SYNE1: variants seen among roughly 807,000 people sequenced by gnomAD.
The protein encoded by SYNE1 is nesprin-1.
Under a neutral mutation model 1,111.0 loss-of-function variants are expected in SYNE1, and 616 were observed. That is an observed-to-expected ratio of 0.55 (90% confidence interval 0.52 to 0.59). SYNE1 has a LOEUF of 0.59. SYNE1 is among the 20% of genes least tolerant of loss of function. The pLI is 0.00. For missense variants in SYNE1, 10,006 were observed against 10,417.0 expected (o/e 0.96, Z 1.72); for synonymous variants, 3,855 against 3,825.8 (o/e 1.01, Z -0.28).
chr6:152,576,861 T>C (rs1433804373), intron 3 of SYNE1, among the ~76,000 whole-genome samples: 1 of 152,098 alleles, frequency 6.6e-6, no homozygotes, highest in Non-Finnish European at 1.5e-5. Flanking sequence ...AAACAGGAAA[T>C]GGAGACACAA....
Position 152,465,275 on chromosome 6 carries a change from A to G in SYNE1, c.1915T>C (p.Ser639Pro). Residue 639 changes from serine to proline, a missense_variant, in exon 18 of 146, where the codon TCA becomes CCA. Physicochemically the swap from Ser to Pro is moderately conservative, Grantham distance 74. This residue lies in a region of SYNE1 where 1,971 missense variants were observed against 2,084.1 expected (regional missense o/e 0.95). Coordinates refer to ENST00000367255, the MANE Select transcript of SYNE1 (RefSeq NM_182961.4). ...AATCTTACCTTTTTGGCATTTTCTG[A>G]TTGATTGAGCATTTTTTCAGCATCC... ...LEDAEKMLNQ[S>P]ENAKKDFFRN... The G allele has an allele frequency of 1.9e-6, 3 of 1,613,534 alleles. No homozygotes were observed. The highest frequency in any genetic ancestry group is 2.5e-6 in the Non-Finnish European group (3 of 1,179,696).
intron 95 of SYNE1, among the ~76,000 whole-genome samples, chr6:152,284,814 TC>T (rs2094238677): frequency 6.6e-6 from 1 of 151,940 alleles, no homozygotes; most frequent in African/African-American, 2.4e-5. Flanking sequence ...AACATGATTT[TC>T]CCACATTAAC....
At position 152,441,242 on chromosome 6, in the gene SYNE1, T is replaced by C. The variant is rs1465266469; in HGVS notation, c.4037A>G (p.Glu1346Gly). ...TCTTACTACTGTTTCTTTGTTTGTT[T>C]CAAATCGCTCCCATTTTCTTAATGT... ...QVTLRKWERF[E>G]TNKETVVRYL... Residue 1346 changes from glutamate (E) to glycine (G), a missense_variant, in exon 32 of 146, where the codon GAA becomes GGA. Glu to Gly is a moderately conservative substitution (Grantham distance 98). Coordinates refer to ENST00000367255, the MANE Select transcript of SYNE1 (RefSeq NM_182961.4). The C allele has an allele frequency of 1.2e-6, 2 of 1,610,272 alleles. No homozygotes were observed. The highest frequency in any genetic ancestry group is 1.7e-6 in the Non-Finnish European group (2 of 1,177,624).
At chr6:152,484,038 C>CAAAAAAAAAAAAAAAAAAAAA (rs773019397) in intron 13 of SYNE1, among the ~76,000 whole-genome samples, 3 of 53,522 alleles carry the variant, frequency 5.6e-5, no homozygotes, top group Non-Finnish European at 1.2e-4. Flanking sequence ...CTCATCTCTA[C>CAAAAAAAAAAAAAAAAAAAAA]AAAAAAAAAA....
rs117231794 is a variant in SYNE1, at chr6:152,206,060, G to A, written c.23019+108C>T. 0.015 allele frequency: 15,765 copies of A among 1,085,898 alleles called. 177 individuals are homozygous for A. The highest frequency in any genetic ancestry group is 0.017 in the Non-Finnish European group (12,678 of 728,032). 67.3% of individuals were successfully genotyped at this position (1,085,898 alleles called of 1,614,324 possible). On this transcript the variant is annotated intron_variant, in intron 126 of 145. Coordinates refer to ENST00000367255, the MANE Select transcript of SYNE1 (RefSeq NM_182961.4). ...ACACAGAGAATCAAAATACTGCAGG[G>A]TATTATTTCATGATCTTTGCATTAT...
At chr6:152,366,935 G>T in intron 62 of SYNE1, 1 of 587,536 alleles carries the variant, frequency 1.7e-6, no homozygotes, top group Admixed American at 2.3e-5. Context: ...TTCCCATAAT[G>T]AATATGTCTG....
At chr6:152,281,070 GT>G (rs2093999086) in intron 97 of SYNE1, among the ~76,000 whole-genome samples, 1 of 152,154 alleles carries the variant, frequency 6.6e-6, no homozygotes, top group South Asian at 2.1e-4. Context: ...ACTAGACAGG[GT>G]TTTCTAGATA....
intron 56 of SYNE1, among the ~76,000 whole-genome samples, chr6:152,379,414 T>C (rs2097356355): frequency 6.6e-6 from 1 of 152,160 alleles, no homozygotes; most frequent in Non-Finnish European, 1.5e-5. Flanking sequence ...CATCTGTTTT[T>C]ATGTTTTAAA....
intron 127 of SYNE1, among the ~76,000 whole-genome samples, chr6:152,196,218 G>T (rs1476696542): frequency 6.6e-6 from 1 of 152,108 alleles, no homozygotes. Context: ...AATGCCACCC[G>T]AGAGCCAAGT....
chr6:152,309,706 T>TA, intron 90 of SYNE1, 129 bp downstream of exon 90: 1 of 1,243,374 alleles, frequency 8.0e-7, no homozygotes, highest in Non-Finnish European at 1.1e-6. Flanking sequence ...CCTTATTTTA[T>TA]AAAACCACAA....
At chr6:152,212,738 C>T (rs900259466) in intron 123 of SYNE1, among the ~76,000 whole-genome samples, 7 of 152,152 alleles carry the variant, frequency 4.6e-5, no homozygotes, top group Non-Finnish European at 1.0e-4. Context: ...CACCATTTTA[C>T]ATTCCCATCA....
chr6:152,139,731 AAGAAAG>A (rs1454364860), intron 140 of SYNE1, among the ~76,000 whole-genome samples: 2 of 104,606 alleles, frequency 1.9e-5, no homozygotes, highest in Admixed American at 1.9e-4. Context: ...GAAAGAAAGA[AAGAAAG>A]AAAGAAAGAA....
intron 3 of SYNE1, among the ~76,000 whole-genome samples, chr6:152,583,186 A>C (rs1275517086): frequency 6.6e-6 from 1 of 152,228 alleles, no homozygotes; most frequent in Non-Finnish European, 1.5e-5. Flanking sequence ...CAGATCCTAA[A>C]TCAGTGACCC....
At chr6:152,600,600 G>C (rs2099593851) in intron 3 of SYNE1, among the ~76,000 whole-genome samples, 1 of 152,118 alleles carries the variant, frequency 6.6e-6, no homozygotes, top group Non-Finnish European at 1.5e-5. Context: ...AAATGGATCT[G>C]CTGAAAATCT....
At chr6:152,569,615 TG>T (rs994853469) in intron 3 of SYNE1, among the ~76,000 whole-genome samples, 8 of 151,608 alleles carry the variant, frequency 5.3e-5, no homozygotes, top group African/African-American at 1.9e-4. Flanking sequence ...ATAGAAAAAA[TG>T]GGTCATAAGC....
rs757676303 is a variant in SYNE1, at chr6:152,462,870, C to T, written c.2118G>A (p.Met706Ile). 3.1e-6 allele frequency: 5 copies of T among 1,613,910 alleles called. No individual in the cohort carries two copies. The highest frequency in any genetic ancestry group is 2.2e-5 in the East Asian group (1 of 44,860). Reference sequence around the variant, plus strand: ...CTGTGTATTCCTTCTTCATTCTGTCCATCTCATCAGCTTGAGCATACTGTT... The same window carrying T: ...CTGTGTATTCCTTCTTCATTCTGTCTATCTCATCAGCTTGAGCATACTGTT... ...EVKQYAQADE[M>I]DRMKKEYTDC... The change falls in exon 20 of 146, where the codon ATG becomes ATA. Residue 706 changes from methionine (M) to isoleucine (I), a missense_variant. This residue lies in a region of SYNE1 where 1,971 missense variants were observed against 2,084.1 expected (regional missense o/e 0.95). Coordinates refer to ENST00000367255, the MANE Select transcript of SYNE1 (RefSeq NM_182961.4).
chr6:152,374,026 C>T (rs1163583310), intron 58 of SYNE1, among the ~76,000 whole-genome samples: 1 of 152,150 alleles, frequency 6.6e-6, no homozygotes, highest in Non-Finnish European at 1.5e-5. Context: ...AGATGAATTT[C>T]CGTGGGGAAT....
At chr6:152,503,922 G>C (rs750223659) in intron 9 of SYNE1, among the ~76,000 whole-genome samples, 1 of 152,000 alleles carries the variant, frequency 6.6e-6, no homozygotes, top group East Asian at 1.9e-4. Flanking sequence ...TACCTAATCT[G>C]TATTCCTAAA....
At position 152,391,317 on chromosome 6, in the gene SYNE1, C is replaced by T; in HGVS notation, c.7964G>A (p.Gly2655Glu). 6.2e-7 allele frequency: 1 copy of T among 1,614,038 alleles called. No individual in the cohort carries two copies. Among genetic ancestry groups the T allele is most frequent in the South Asian group, 1.1e-5 (1 of 91,082 alleles). The change falls in exon 52 of 146, where the codon GGG becomes GAG. Residue 2655 changes from glycine (G) to glutamate (E), a missense_variant. Around this residue, in one of 7 missense-constraint regions of SYNE1, gnomAD observed 4,955 missense variants for 5,017.2 expected, o/e 0.99. Coordinates refer to ENST00000367255, the MANE Select transcript of SYNE1 (RefSeq NM_182961.4). ...CCGTTTCTCCAGGGTGTCTTTGCTC[C>T]CAAGAGTGCTCTCTGCACAGGCCAG... ...DRLACAESTL[G>E]SKDTLEKRLS...
Sources: allele counts gnomAD v4.1 joint callset (sites outside exome capture counted in the v4.1 genomes callset), GRCh38; gene constraint gnomAD v4.1.1; regional missense constraint gnomAD v4.1.1; transcripts MANE v1.5; gene names NCBI Gene and HGNC (gene_info 2026-07-23, HGNC 2026-07-21).